The following CFDP1 variants were observed in gnomAD, a reference collection of about 807,000 sequenced individuals.
CFDP1 encodes the protein chromatin remodeling protein CFDP1.
CFDP1 carries 31 observed loss-of-function variants against 40.1 expected under a neutral mutation model. The ratio of observed to expected loss-of-function variants is 0.77; its 90% CI spans 0.58 to 1.04. The LOEUF (loss-of-function observed/expected upper bound fraction) is 1.04, where lower values mean the gene tolerates loss of function less well. Ranked by LOEUF, CFDP1 falls within the 50% of genes least tolerant of loss-of-function variation. The probability of loss-of-function intolerance (pLI) is 0.00; values close to 1 mark genes in which losing one functional copy is unlikely to be tolerated. For synonymous variants in CFDP1, 167 were observed against 120.0 expected (o/e 1.39, Z -2.56); for missense variants, 423 against 343.4 (o/e 1.23, Z -1.83).
At chr16:75,368,633 A>G (rs1336969232) in intron 5 of CFDP1, among the ~76,000 whole-genome samples, 2 of 152,248 alleles carry the variant, frequency 1.3e-5, no homozygotes, top group Admixed American at 1.3e-4. Context: ...TGATGGGTAC[A>G]GGGATTCATT....
intron 5 of CFDP1, among the ~76,000 whole-genome samples, chr16:75,358,395 TACA>T (rs779879077): frequency 6.6e-5 from 10 of 152,182 alleles, no homozygotes; most frequent in Non-Finnish European, 1.3e-4. Context: ...AGATATTCAA[TACA>T]ACATTATTCT....
chr16:75,430,759 G>A (rs1212671767), intron 1 of CFDP1, among the ~76,000 whole-genome samples: 2 of 152,098 alleles, frequency 1.3e-5, no homozygotes, highest in African/African-American at 4.8e-5. Flanking sequence ...CCACTGCTCG[G>A]CTGAGAACAC....
At chr16:75,400,112 A>G (rs1392782715) in intron 4 of CFDP1, among the ~76,000 whole-genome samples, 2 of 150,770 alleles carry the variant, frequency 1.3e-5, no homozygotes, top group African/African-American at 4.9e-5. Flanking sequence ...AAAAAAAAAA[A>G]AAAAAAAAGG....
intron 1 of CFDP1, among the ~76,000 whole-genome samples, chr16:75,429,930 G>A (rs1351331517): frequency 7.2e-5 from 11 of 152,214 alleles, no homozygotes; most frequent in South Asian, 2.1e-4. Flanking sequence ...GAGAGCACGC[G>A]CCCAAGGTGG....
At chr16:75,405,827 G>C (rs1450088214) in intron 4 of CFDP1, among the ~76,000 whole-genome samples, 1 of 150,914 alleles carries the variant, frequency 6.6e-6, no homozygotes, top group Non-Finnish European at 1.5e-5. Context: ...GCTGAGGTGA[G>C]AGGACTGCCT....
At chr16:75,407,212 C>A (rs1410831852) in intron 4 of CFDP1, among the ~76,000 whole-genome samples, 1 of 151,648 alleles carries the variant, frequency 6.6e-6, no homozygotes, top group East Asian at 1.9e-4. Flanking sequence ...TCCTGTCTCT[C>A]AAAAACAAAA....
chr16:75,367,892 G>A (rs2078726455), intron 5 of CFDP1, among the ~76,000 whole-genome samples: 1 of 151,806 alleles, frequency 6.6e-6, no homozygotes, highest in Non-Finnish European at 1.5e-5. Context: ...ATCACTTGAG[G>A]TCAGGAGTTC....
chr16:75,295,278 G>A (rs1001233906), intron 6 of CFDP1, among the ~76,000 whole-genome samples: 1 of 152,152 alleles, frequency 6.6e-6, no homozygotes, highest in Non-Finnish European at 1.5e-5. Context: ...CTGGAGGGCT[G>A]GCCAGAAATG....
At chr16:75,315,264 G>A (rs990669631) in intron 5 of CFDP1, among the ~76,000 whole-genome samples, 1 of 146,268 alleles carries the variant, frequency 6.8e-6, no homozygotes, top group Non-Finnish European at 1.5e-5. Flanking sequence ...AACGGGAGGC[G>A]GAGGTTGCCG....
chr16:75,335,711 C>T (rs1265043678), intron 5 of CFDP1, among the ~76,000 whole-genome samples: 1 of 152,090 alleles, frequency 6.6e-6, no homozygotes, highest in East Asian at 1.9e-4. Flanking sequence ...CGCCCGCCAC[C>T]ATGCCCGGAT....
intron 5 of CFDP1, among the ~76,000 whole-genome samples, chr16:75,323,961 TA>T (rs2078384972): frequency 6.6e-6 from 1 of 152,196 alleles, no homozygotes; most frequent in Admixed American, 6.5e-5. Context: ...CTCAAGTAAG[TA>T]ACCAATTAGT....
chr16:75,300,952 A>T (rs535046167), intron 6 of CFDP1, among the ~76,000 whole-genome samples: 34 of 152,246 alleles, frequency 2.2e-4, no homozygotes, highest in African/African-American at 7.5e-4. Flanking sequence ...CTGGGAGGAG[A>T]TGCCACCAAG....
chr16:75,412,458 G>C (rs1207158987), intron 3 of CFDP1, 77 bp downstream of exon 3: 19 of 1,137,158 alleles, frequency 1.7e-5, no homozygotes, highest in Non-Finnish European at 2.4e-5. Flanking sequence ...GCATCTGGTC[G>C]ATTTCCGTAG....
At chr16:75,397,156 T>C (rs894330599) in intron 4 of CFDP1, among the ~76,000 whole-genome samples, 11 of 151,604 alleles carry the variant, frequency 7.3e-5, no homozygotes, top group East Asian at 6.0e-4. Flanking sequence ...CCTTGTGATC[T>C]GCCCGCCTTG....
chr16:75,327,883 C>G (rs1376882460), intron 5 of CFDP1, among the ~76,000 whole-genome samples: 12 of 152,128 alleles, frequency 7.9e-5, no homozygotes, highest in Non-Finnish European at 2.9e-5. Flanking sequence ...GCCACCACAC[C>G]TGGCTAATTT....
intron 5 of CFDP1, among the ~76,000 whole-genome samples, chr16:75,370,388 C>T (rs577050218): frequency 1.1e-4 from 17 of 152,110 alleles, no homozygotes; most frequent in African/African-American, 2.7e-4. Flanking sequence ...CCACCACGCT[C>T]GGCCAAATTT....
At chr16:75,375,394 T>C (rs549801089) in intron 5 of CFDP1, among the ~76,000 whole-genome samples, 14 of 152,244 alleles carry the variant, frequency 9.2e-5, no homozygotes, top group Non-Finnish European at 1.9e-4. Flanking sequence ...ATGGGTAAGA[T>C]TGGAAGAGTC....
At chr16:75,396,343 G>C (rs1198361989) in intron 4 of CFDP1, among the ~76,000 whole-genome samples, 1 of 103,744 alleles carries the variant, frequency 9.6e-6, no homozygotes, top group African/African-American at 2.9e-5. Flanking sequence ...TTTGAGACCA[G>C]CCTGGCCAAC....
intron 5 of CFDP1, among the ~76,000 whole-genome samples, chr16:75,309,912 GTACT>G (rs2078285306): frequency 6.6e-6 from 1 of 150,996 alleles, no homozygotes; most frequent in Admixed American, 6.6e-5. Flanking sequence ...ATAGGGCAAG[GTACT>G]GCCAGAAAGT....
Sources: allele counts gnomAD v4.1 joint callset (sites outside exome capture counted in the v4.1 genomes callset), GRCh38; gene constraint gnomAD v4.1.1; transcripts MANE v1.5; gene names NCBI Gene and HGNC (gene_info 2026-07-23, HGNC 2026-07-21).